The following HDAC9 variants were observed in gnomAD, a reference collection of about 807,000 sequenced individuals.
HDAC9 encodes the protein histone deacetylase 9.
In HDAC9, 41 loss-of-function variants were observed where a neutral mutation model predicts 139.4. The observed-to-expected ratio is 0.29, with a 90% confidence interval of 0.23 to 0.38. The LOEUF (loss-of-function observed/expected upper bound fraction) is 0.38, where lower values mean the gene tolerates loss of function less well. Among genes scored for constraint, HDAC9 ranks in the 10% least tolerant of loss-of-function variants. The pLI, the probability that HDAC9 is intolerant of heterozygous loss-of-function variation, is 1.00. For missense variants in HDAC9, 1,147 were observed against 1,297.0 expected, an observed-to-expected ratio of 0.88 and a Z score of 1.78; for synonymous variants, 517 against 476.2, an observed-to-expected ratio of 1.09 and a Z score of -1.12.
intron 1 of HDAC9, among the ~76,000 whole-genome samples, chr7:18,363,041 G>A (rs867972219): frequency 6.6e-6 from 1 of 152,062 alleles, no homozygotes; most frequent in African/African-American, 2.4e-5. Flanking sequence ...TCACTAATAA[G>A]CATTTTTGTA....
intron 1 of HDAC9, among the ~76,000 whole-genome samples, chr7:18,294,671 C>T (rs1433626228): frequency 1.3e-5 from 2 of 152,024 alleles, no homozygotes; most frequent in Non-Finnish European, 2.9e-5. Context: ...GCATGTTGTG[C>T]AAGTGCAATC....
chr7:18,224,907 G>A (rs1792951924), intron 2 of HDAC9, among the ~76,000 whole-genome samples: 1 of 152,108 alleles, frequency 6.6e-6, no homozygotes, highest in Admixed American at 6.6e-5. Flanking sequence ...AAGCTGCAGA[G>A]GAAGTTGGAG....
At chr7:18,727,838 A>G (rs1785681412) in intron 13 of HDAC9, 81 bp downstream of exon 13, 1 of 1,096,572 alleles carries the variant, frequency 9.1e-7, no homozygotes, top group Non-Finnish European at 1.2e-6. Context: ...AATGCTCTGA[A>G]TAACTCCAAT....
chr7:18,759,261 T>C (rs1032421657), intron 14 of HDAC9, among the ~76,000 whole-genome samples: 3 of 152,122 alleles, frequency 2.0e-5, no homozygotes, highest in African/African-American at 7.2e-5. Context: ...GTCCATGGCC[T>C]GTAAGGAACC....
At chr7:18,252,285 TG>T (rs1562796215) in intron 2 of HDAC9, among the ~76,000 whole-genome samples, 1 of 152,180 alleles carries the variant, frequency 6.6e-6, no homozygotes, top group Non-Finnish European at 1.5e-5. Flanking sequence ...AGGAATGGCC[TG>T]GAGAACTACA....
intron 1 of HDAC9, among the ~76,000 whole-genome samples, chr7:18,089,716 C>T (rs1175579389): frequency 6.6e-6 from 1 of 152,004 alleles, no homozygotes; most frequent in Non-Finnish European, 1.5e-5. Flanking sequence ...ATAATTTGTA[C>T]ACACTCAGTG....
At position 18,593,830 on chromosome 7, in the gene HDAC9, C is replaced by T. The variant is rs143622559; in HGVS notation, c.543-78C>T. 4.8e-3 allele frequency: 7,096 copies of T among 1,463,126 alleles called. 33 individuals carry two copies. Among genetic ancestry groups the T allele is most frequent in the Non-Finnish European group, 5.0e-3 (5,271 of 1,050,784 alleles). 90.6% of individuals were successfully genotyped at this position (1,463,126 alleles called of 1,614,324 possible). On this transcript the variant is annotated intron_variant, in intron 5 of 25. Coordinates refer to ENST00000686413, the MANE Select transcript of HDAC9 (RefSeq NM_178425.4). ...AAACATAGCTGAGGCACGTGTACAG[C>T]GTGTGCAGCTGATTATTGCTGACCA...
chr7:18,374,527 A>T (rs552982430), intron 1 of HDAC9, among the ~76,000 whole-genome samples: 3 of 152,166 alleles, frequency 2.0e-5, no homozygotes, highest in Non-Finnish European at 2.9e-5. Context: ...TTGTAAAACA[A>T]TGGTAAGTAT....
At chr7:18,373,207 A>G (rs1784728650) in intron 1 of HDAC9, among the ~76,000 whole-genome samples, 2 of 152,152 alleles carry the variant, frequency 1.3e-5, no homozygotes, top group African/African-American at 2.4e-5. Flanking sequence ...ACTGCTATGT[A>G]TTTGTAGTAA....
intron 2 of HDAC9, among the ~76,000 whole-genome samples, chr7:18,517,100 A>G (rs1217723453): frequency 6.6e-6 from 1 of 152,158 alleles, no homozygotes; most frequent in Non-Finnish European, 1.5e-5. Context: ...TTAGTCCAAG[A>G]TAAATTTTTT....
chr7:18,591,437 G>A (rs1364231851), intron 4 of HDAC9, 79 bp from the exon 5 acceptor site: 10 of 1,471,824 alleles, frequency 6.8e-6, no homozygotes, highest in Non-Finnish European at 9.1e-6. Flanking sequence ...AGGCATGAGA[G>A]GACAAAACTC....
chr7:18,346,554 A>G (rs1782431128), intron 1 of HDAC9, among the ~76,000 whole-genome samples: 1 of 152,152 alleles, frequency 6.6e-6, no homozygotes, highest in South Asian at 2.1e-4. Context: ...ATTGAAGAGG[A>G]GAGTTGCAGT....
In HDAC9 at chr7:18,323,049, C is replaced by T. The variant is rs77171340; in HGVS notation, c.-42+32534C>T. On this transcript the variant is annotated intron_variant, in intron 1 of 3. Transcript: ENST00000413509. ...TAATGTCAACCTCAAGGATGGTTGG[C>T]CCACTTCTGGAATGAATAGCATCAA... is the stretch of plus-strand genomic sequence containing the variant. Among the ~76,000 whole-genome samples, 8 of 152,180 alleles carry T rather than the reference C, an allele frequency of 5.3e-5. No homozygotes were observed. The East Asian group carries it at 1.6e-3, about 29-fold the overall frequency.
At chr7:18,933,217 G>T (rs1475446576) in intron 22 of HDAC9, among the ~76,000 whole-genome samples, 1 of 152,192 alleles carries the variant, frequency 6.6e-6, no homozygotes, top group Non-Finnish European at 1.5e-5. Flanking sequence ...AGCATGGTCA[G>T]GTTCTGGTCA....
intron 8 of HDAC9, among the ~76,000 whole-genome samples, chr7:18,638,517 G>C (rs985519459): frequency 5.3e-5 from 8 of 152,048 alleles, no homozygotes; most frequent in African/African-American, 1.4e-4. Context: ...TGGTCAAGTT[G>C]TCAGACTTCC....
At chr7:18,620,193 G>C (rs938068688) in intron 6 of HDAC9, among the ~76,000 whole-genome samples, 4 of 152,070 alleles carry the variant, frequency 2.6e-5, no homozygotes, top group African/African-American at 9.7e-5. Context: ...CATGCTTCCA[G>C]TCTGCATGAA....
intron 22 of HDAC9, among the ~76,000 whole-genome samples, chr7:18,911,592 A>G (rs764178188): frequency 4.0e-5 from 6 of 150,198 alleles, no homozygotes; most frequent in Admixed American, 1.3e-4. Context: ...GTTTTTTTTT[A>G]GATGCATTGT....
rs538879579 is a variant in HDAC9 at position 18,864,888 on chromosome 7, TA to T, written c.2685-9589del. Among the ~76,000 whole-genome samples the T allele has an allele frequency of 3.2e-3, 494 of 152,296 alleles. 2 individuals are homozygous for T. Among genetic ancestry groups the T allele is most frequent in the African/African-American group, 0.011 (474 of 41,564 alleles). ...ATGCTGCCAAAGTTAAATGGTTAAA[TA>T]CTTAAAATGGTTAAAGTAGTACATT... On this transcript the variant is annotated intron_variant, in intron 21 of 25. Coordinates refer to ENST00000686413, the MANE Select transcript of HDAC9 (RefSeq NM_178425.4).
chr7:18,974,418 T>TAACA (rs2129336808), intron 24 of HDAC9, among the ~76,000 whole-genome samples: 1 of 152,330 alleles, frequency 6.6e-6, no homozygotes, highest in Non-Finnish European at 1.5e-5. Flanking sequence ...AATTCTTAAC[T>TAACA]AACAGGGCTG....
Sources: allele counts gnomAD v4.1 joint callset (sites outside exome capture counted in the v4.1 genomes callset), GRCh38; gene constraint gnomAD v4.1.1; transcripts MANE v1.5; gene names NCBI Gene and HGNC (gene_info 2026-07-23, HGNC 2026-07-21).